Variants in RASSF10 observed in about 807,000 individuals in gnomAD.
RASSF10 encodes the protein ras association domain-containing protein 10.
Under a neutral mutation model 41.5 loss-of-function variants are expected in RASSF10, and 22 were observed. The observed-to-expected ratio is 0.53, with a 90% CI of 0.38 to 0.76. RASSF10 has a LOEUF of 0.76. RASSF10 is among the 30% of genes least tolerant of loss of function. The pLI is 0.00. For missense variants in RASSF10, 776 were observed against 711.8 expected, an observed-to-expected ratio of 1.09 and a Z score of -1.03; for synonymous variants, 364 against 319.0, an observed-to-expected ratio of 1.14 and a Z score of -1.50.
rs12793946 is a variant in RASSF10 at position 13,010,299 on chromosome 11, G to A, written c.723G>A (p.Gln241=). 0.11 allele frequency: 168,965 copies of A among 1,553,314 alleles called. 9,996 individuals carry two copies. Among genetic ancestry groups the A allele is most frequent in the Middle Eastern group, 0.16 (930 of 5,978 alleles). The change falls in exon 1 of 1, where the codon CAG becomes CAA. Residue 241 remains glutamine, a synonymous_variant. Coordinates refer to ENST00000529419, the MANE Select transcript of RASSF10 (RefSeq NM_001080521.3). The surrounding 1 kb of genome is among the most constrained non-coding windows in gnomAD (Gnocchi z 4.8). Reference sequence around the variant, plus strand: ...TTTCCCAGGACCACACAATTCGCCAGCAGGTGCAGCGGCTCCACGAGCTGG... The same window carrying A: ...TTTCCCAGGACCACACAATTCGCCAACAGGTGCAGCGGCTCCACGAGCTGG... The part of the protein sequence containing the change: ...LVLSQDHTIR[Q]QVQRLHELDR...
rs1949570333 is a variant in RASSF10 at position 13,010,597 on chromosome 11, G to A, written c.1021G>A (p.Glu341Lys). Residue 341 changes from glutamate (E) to lysine (K), a missense_variant, in exon 1 of 1, where the codon GAG (glutamate) becomes AAG (lysine). By Grantham distance (56) the Glu-to-Lys change is moderately conservative. Transcript: ENST00000529419. The surrounding 1 kb of genome is among the most constrained non-coding windows in gnomAD (Gnocchi z 4.8). ...RLQEQRVQQEELLERLSAEIQ... is the reference protein window; with the variant it reads ...RLQEQRVQQEKLLERLSAEIQ... ...TCAGGAGCAACGGGTTCAGCAGGAG[G>A]AGTTGCTGGAGCGCCTTTCAGCCGA... 1.3e-6 allele frequency: 2 copies of A among 1,578,378 alleles called. No individual in the cohort carries two copies. The highest frequency in any genetic ancestry group is 1.8e-5 in the Admixed American group (1 of 54,614).
At position 13,009,552 on chromosome 11, in the gene RASSF10, C is replaced by T. The variant is rs531931794; in HGVS notation, c.-25C>T. 21 of 1,598,196 alleles carry T rather than the reference C, an allele frequency of 1.3e-5. No individual in the cohort carries two copies. In the African/African-American group the frequency reaches 1.7e-4, roughly 13 times the overall value. On this transcript the variant is annotated 5_prime_UTR_variant, in exon 1 of 1. Transcript: ENST00000529419. ...CCGCCCCAGCAGACCCCGGCCGGAC[C>T]TGCCACCTGCGCCCTGGTTGCGCCA...
In RASSF10 at chr11:13,010,783, C is replaced by A. The variant is rs1323851299; in HGVS notation, c.1207C>A (p.Arg403=). 2 of 1,610,732 alleles carry A rather than the reference C, an allele frequency of 1.2e-6. No individual in the cohort carries two copies. Among genetic ancestry groups the A allele is most frequent in the Non-Finnish European group, 1.7e-6 (2 of 1,178,634 alleles). The part of the protein sequence containing the change: ...QLSTSLYIGL[R]LNTDLEAVKS... ...CAGTACCAGCCTTTACATTGGGCTG[C>A]GGCTCAACACGGACCTAGAGGCCGT... Residue 403 remains arginine, a synonymous_variant, in exon 1 of 1, where the codon CGG becomes AGG. Transcript: ENST00000529419. This position sits in a 1 kb window ranked among gnomAD's most constrained non-coding sequence, Gnocchi z 4.8.
chr11:13,011,077 C>G lies in RASSF10; in HGVS notation c.1501C>G (p.Pro501Ala). The G allele has an allele frequency of 1.3e-6, 2 of 1,563,032 alleles. No individual in the cohort carries two copies. Among genetic ancestry groups the G allele is most frequent in the Non-Finnish European group, 1.7e-6 (2 of 1,153,088 alleles). Residue 501 changes from proline (P) to alanine (A), a missense_variant, in exon 1 of 1, where the codon CCC becomes GCC. Pro to Ala is a conservative substitution (Grantham distance 27). Coordinates refer to ENST00000529419, the MANE Select transcript of RASSF10 (RefSeq NM_001080521.3). ...SMHSQDSDSL[P>A]MCESLV is the part of the protein sequence containing the mutation. ...GCATAGCCAAGACTCGGACTCCTTG[C>G]CCATGTGCGAATCCCTTGTGTAGGG...
rs764581548 is a variant in RASSF10, at chr11:13,009,472, G to T, written c.-105G>T. The T allele has an allele frequency of 6.6e-7, 1 of 1,514,658 alleles. No homozygotes were observed. 93.8% of individuals were successfully genotyped at this position (1,514,658 alleles called of 1,614,324 possible). ...ACAGGGCTAGTGCAGCCGCCGGAGGGGGGCACGGGCTCCTCTCCCATCCCA... is the reference window on the plus strand; with the variant it reads ...ACAGGGCTAGTGCAGCCGCCGGAGGTGGGCACGGGCTCCTCTCCCATCCCA... On this transcript the variant is annotated 5_prime_UTR_variant, in exon 1 of 1. Coordinates refer to ENST00000529419, the MANE Select transcript of RASSF10 (RefSeq NM_001080521.3).
chr11:13,009,559 C>G lies in RASSF10; in HGVS notation c.-18C>G, dbSNP rs766459498. On this transcript the variant is annotated 5_prime_UTR_variant, in exon 1 of 1. Coordinates refer to ENST00000529419, the MANE Select transcript of RASSF10 (RefSeq NM_001080521.3). ...AGCAGACCCCGGCCGGACCTGCCACCTGCGCCCTGGTTGCGCCATGGATCC... is the reference window on the plus strand; with the variant it reads ...AGCAGACCCCGGCCGGACCTGCCACGTGCGCCCTGGTTGCGCCATGGATCC... The G allele has an allele frequency of 4.4e-6, 7 of 1,601,040 alleles. No homozygotes were observed. Among genetic ancestry groups the G allele is most frequent in the Non-Finnish European group, 6.0e-6 (7 of 1,171,470 alleles).
At position 13,010,699 on chromosome 11, in the gene RASSF10, C is replaced by T. The variant is rs1197700614; in HGVS notation, c.1123C>T (p.Pro375Ser). 2 of 1,592,230 alleles carry T rather than the reference C, an allele frequency of 1.3e-6. No individual in the cohort carries two copies. Among genetic ancestry groups the T allele is most frequent in the African/African-American group, 1.3e-5 (1 of 74,738 alleles). The stretch of plus-strand genomic sequence containing the variant: ...GGCGGCGCGGGAGGAGCCCCTGGAG[C>T]CCGACGGTGGCCCCGACGGCGAGCT... The part of the protein sequence containing the change: ...ELAAREEPLE[P>S]DGGPDGELLL... Residue 375 changes from proline to serine, a missense_variant, in exon 1 of 1, where the codon CCC becomes TCC. Physicochemically the swap from Pro to Ser is moderately conservative, Grantham distance 74. Transcript: ENST00000529419. The surrounding 1 kb of genome is among the most constrained non-coding windows in gnomAD (Gnocchi z 4.8).
chr11:13,009,864 G>A lies in RASSF10; in HGVS notation c.288G>A (p.Lys96=). The A allele has an allele frequency of 6.2e-7, 1 of 1,606,302 alleles. No homozygotes were observed. Among genetic ancestry groups the A allele is most frequent in the African/African-American group, 1.3e-5 (1 of 74,964 alleles). The change falls in exon 1 of 1, where the codon AAG becomes AAA. Residue 96 remains lysine (K), a synonymous_variant. Transcript: ENST00000529419. ...CGCAGTGCTATTGCATCGTGGAGAA[G>A]TGGCGCGGCTTTGAGCGCATCCTCC... ...GPPQCYCIVE[K]WRGFERILPN... is the part of the protein sequence containing the mutation.
At position 13,010,281 on chromosome 11, in the gene RASSF10, G is replaced by A. The variant is rs748118760; in HGVS notation, c.705G>A (p.Gln235=). 6.4e-6 allele frequency: 10 copies of A among 1,559,102 alleles called. No individual in the cohort carries two copies. The Admixed American group carries it at 1.5e-4, about 24-fold the overall frequency. Residue 235 remains glutamine (Q), a synonymous_variant, in exon 1 of 1, where the codon CAG becomes CAA. Coordinates refer to ENST00000529419, the MANE Select transcript of RASSF10 (RefSeq NM_001080521.3). This position sits in a 1 kb window ranked among gnomAD's most constrained non-coding sequence, Gnocchi z 4.8. ...METLVHLVLS[Q]DHTIRQQVQR... is the part of the protein sequence containing the mutation. The stretch of plus-strand genomic sequence containing the variant: ...CGCTGGTGCATCTGGTGCTTTCCCA[G>A]GACCACACAATTCGCCAGCAGGTGC...
rs745464070 is a variant in RASSF10, at chr11:13,010,620, C to A, written c.1044C>A (p.Ala348=). The A allele has an allele frequency of 2.5e-6, 4 of 1,588,610 alleles. No homozygotes were observed. The highest frequency in any genetic ancestry group is 2.6e-6 in the Non-Finnish European group (3 of 1,168,522). ...AGGAGTTGCTGGAGCGCCTTTCAGCCGAGATTCAGGAGGAACTCAACCAGA... is the reference window on the plus strand; with the variant it reads ...AGGAGTTGCTGGAGCGCCTTTCAGCAGAGATTCAGGAGGAACTCAACCAGA... ...QQEELLERLS[A]EIQEELNQRW... The change falls in exon 1 of 1, where the codon GCC becomes GCA. Residue 348 remains alanine (A), a synonymous_variant. Coordinates refer to ENST00000529419, the MANE Select transcript of RASSF10 (RefSeq NM_001080521.3). This position sits in a 1 kb window ranked among gnomAD's most constrained non-coding sequence, Gnocchi z 4.8.
rs1423786417 is a variant in RASSF10 at position 13,011,758 on chromosome 11, A to G, written c.*658A>G. On this transcript the variant is annotated 3_prime_UTR_variant, in exon 1 of 1. Coordinates refer to ENST00000529419, the MANE Select transcript of RASSF10 (RefSeq NM_001080521.3). ...AACCCTGTATTTCCTCCTAGTAAAC[A>G]CAATAGATGTTAAAAGGGAATTCTT... The G allele has an allele frequency of 4.6e-5, 7 of 152,262 alleles. No homozygotes were observed. Among genetic ancestry groups the G allele is most frequent in the African/African-American group, 1.7e-4 (7 of 41,462 alleles). 9.4% of individuals were successfully genotyped at this position (152,262 alleles called of 1,614,324 possible). A position where few individuals can be genotyped will look rare whatever the true frequency, so the allele number is the denominator to read the frequency against.
rs1377261855 is a variant in RASSF10 at position 13,010,041 on chromosome 11, T to C, written c.465T>C (p.Cys155=). 6.5e-7 allele frequency: 1 copy of C among 1,545,102 alleles called. No homozygotes were observed. Among genetic ancestry groups the C allele is most frequent in the Admixed American group, 2.0e-5 (1 of 50,778 alleles). ...ARVVLSRERP[C]PARGAPARPS... ...TAGTGCTGAGCCGAGAGCGCCCCTG[T>C]CCGGCCCGCGGGGCCCCGGCGCGGC... Residue 155 remains cysteine, a synonymous_variant, in exon 1 of 1, where the codon TGT becomes TGC. Transcript: ENST00000529419. This position sits in a 1 kb window ranked among gnomAD's most constrained non-coding sequence, Gnocchi z 4.8.
At position 13,009,475 on chromosome 11, in the gene RASSF10, G is replaced by A. The variant is rs750476230; in HGVS notation, c.-102G>A. ...GGGCTAGTGCAGCCGCCGGAGGGGG[G>A]CACGGGCTCCTCTCCCATCCCAGAG... On this transcript the variant is annotated 5_prime_UTR_variant, in exon 1 of 1. Coordinates refer to ENST00000529419, the MANE Select transcript of RASSF10 (RefSeq NM_001080521.3). The A allele has an allele frequency of 3.2e-5, 49 of 1,516,070 alleles. No homozygotes were observed. The highest frequency in any genetic ancestry group is 4.2e-5 in the African/African-American group (3 of 71,894). 93.9% of individuals were successfully genotyped at this position (1,516,070 alleles called of 1,614,324 possible). A position where few individuals can be genotyped will look rare whatever the true frequency, so the allele number is the denominator to read the frequency against.
chr11:13,010,047 C>A lies in RASSF10; in HGVS notation c.471C>A (p.Ala157=), dbSNP rs1339333952. 3 of 1,544,952 alleles carry A rather than the reference C, an allele frequency of 1.9e-6. No homozygotes were observed. Among genetic ancestry groups the A allele is most frequent in the Non-Finnish European group, 2.6e-6 (3 of 1,143,872 alleles). ...VVLSRERPCP[A]RGAPARPSLA... ...TGAGCCGAGAGCGCCCCTGTCCGGCCCGCGGGGCCCCGGCGCGGCCCAGCC... is the reference window on the plus strand; with the variant it reads ...TGAGCCGAGAGCGCCCCTGTCCGGCACGCGGGGCCCCGGCGCGGCCCAGCC... Residue 157 remains alanine, a synonymous_variant, in exon 1 of 1, where the codon GCC becomes GCA. Transcript: ENST00000529419. The surrounding 1 kb of genome is among the most constrained non-coding windows in gnomAD (Gnocchi z 4.8).
rs1565016907 is a variant in RASSF10 at position 13,010,170 on chromosome 11, CT to C, written c.595del (p.Cys199ValfsTer112). On this transcript the variant is annotated frameshift_variant, in exon 1 of 1. Transcript: ENST00000529419. LOFTEE classifies it high-confidence loss of function. This position sits in a 1 kb window ranked among gnomAD's most constrained non-coding sequence, Gnocchi z 4.8. ...RRRQQQTPSSCSSTSSSTASS... is the reference protein window; with the variant it reads ...RRRQQQTPSSXSSTSSSTASS... ...GGCGCCAGCAGCAGACACCGTCGTC[CT>C]GTTCGTCCACTTCGTCGTCCACTGC... 6.3e-7 allele frequency: 1 copy of C among 1,588,992 alleles called. No homozygotes were observed. The highest frequency in any genetic ancestry group is 1.2e-5 in the South Asian group (1 of 86,448).
At position 13,010,993 on chromosome 11, in the gene RASSF10, G is replaced by A. The variant is rs768726924; in HGVS notation, c.1417G>A (p.Gly473Arg). 5.0e-6 allele frequency: 8 copies of A among 1,613,482 alleles called. No individual in the cohort carries two copies. Among genetic ancestry groups the A allele is most frequent in the African/African-American group, 1.3e-5 (1 of 74,846 alleles). ...CGACATGTGGGTGGACCAGGCCCGT[G>A]GACTGGCCAAGAGCGGTCCTGGCAA... is the stretch of plus-strand genomic sequence containing the variant. ...CADMWVDQAR[G>R]LAKSGPGNDE... Residue 473 changes from glycine (G) to arginine (R), a missense_variant, in exon 1 of 1, where the codon GGA (glycine) becomes AGA (arginine). Gly to Arg is a moderately radical substitution (Grantham distance 125). Transcript: ENST00000529419. This position sits in a 1 kb window ranked among gnomAD's most constrained non-coding sequence, Gnocchi z 4.8.
In RASSF10 at chr11:13,009,792, C is replaced by G; in HGVS notation, c.216C>G (p.Asp72Glu). 6.2e-7 allele frequency: 1 copy of G among 1,606,428 alleles called. No individual in the cohort carries two copies. Among genetic ancestry groups the G allele is most frequent in the Non-Finnish European group, 8.5e-7 (1 of 1,177,492 alleles). Residue 72 changes from aspartate to glutamate, a missense_variant, in exon 1 of 1, where the codon GAC becomes GAG. Coordinates refer to ENST00000529419, the MANE Select transcript of RASSF10 (RefSeq NM_001080521.3). Reference sequence around the variant, plus strand: ...TGCCCGAACCCCCGAACGAGGACGACGAGGACGACGACGAGGCGCTGCCGC... The same window carrying G: ...TGCCCGAACCCCCGAACGAGGACGAGGAGGACGACGACGAGGCGCTGCCGC... Reference protein sequence around the residue: ...GELPEPPNEDDEDDDEALPQG... With the variant: ...GELPEPPNEDEEDDDEALPQG...
Position 13,009,965 on chromosome 11 carries a change from G to T in RASSF10, c.389G>T (p.Arg130Leu). ...EQENVRFVLV[R>L]SEASLPNAGP... ...GAGAATGTGCGCTTCGTGCTAGTGC[G>T]CAGCGAGGCATCGCTGCCTAACGCC... Residue 130 changes from arginine to leucine, a missense_variant, in exon 1 of 1, where the codon CGC becomes CTC. By Grantham distance (102) the Arg-to-Leu change is moderately radical. Coordinates refer to ENST00000529419, the MANE Select transcript of RASSF10 (RefSeq NM_001080521.3). The T allele has an allele frequency of 1.3e-6, 2 of 1,564,446 alleles. No homozygotes were observed. The highest frequency in any genetic ancestry group is 4.7e-5 in the East Asian group (2 of 42,210).
Position 13,010,220 on chromosome 11 carries a change from G to A in RASSF10, c.644G>A (p.Arg215Gln), listed in dbSNP as rs373707032. ...STASSCSSSP[R>Q]THESASVERM... is the part of the protein sequence containing the mutation. ...GCCTCGTCCTGCTCTTCGTCGCCGCGGACCCACGAGAGCGCGTCGGTGGAG... is the reference window on the plus strand; with the variant it reads ...GCCTCGTCCTGCTCTTCGTCGCCGCAGACCCACGAGAGCGCGTCGGTGGAG... The change falls in exon 1 of 1, where the codon CGG becomes CAG. Residue 215 changes from arginine (R) to glutamine (Q), a missense_variant. Physicochemically the swap from Arg to Gln is conservative, Grantham distance 43. Coordinates refer to ENST00000529419, the MANE Select transcript of RASSF10 (RefSeq NM_001080521.3). This position sits in a 1 kb window ranked among gnomAD's most constrained non-coding sequence, Gnocchi z 4.8. 2 of 1,591,514 alleles carry A rather than the reference G, an allele frequency of 1.3e-6. No individual in the cohort carries two copies. Among genetic ancestry groups the A allele is most frequent in the Non-Finnish European group, 1.7e-6 (2 of 1,170,472 alleles).
Sources: gnomAD v4.1 joint callset for allele counts on GRCh38, gnomAD v4.1.1 for gene constraint, Gnocchi (gnomAD v3.1) non-coding constraint, MANE v1.5 for transcripts, NCBI Gene and HGNC (gene_info 2026-07-23, HGNC 2026-07-21) for gene names.